The following FRMD6 variants were observed in gnomAD, a reference collection of about 807,000 sequenced individuals.
The protein encoded by FRMD6 is FERM domain-containing protein 6.
A neutral mutation model predicts 73.2 loss-of-function variants in FRMD6; 37 were observed. The observed-to-expected ratio is 0.51, with a 90% confidence interval of 0.39 to 0.66. The LOEUF (loss-of-function observed/expected upper bound fraction) is 0.66. FRMD6 is among the 30% of genes least tolerant of loss of function. The pLI, the probability that FRMD6 is intolerant of heterozygous loss-of-function variation, is 0.00. For synonymous variants in FRMD6, 273 were observed against 282.2 expected (o/e 0.97, Z 0.33); for missense variants, 714 against 780.5 (o/e 0.91, Z 1.02).
the FRMD6 span, among the ~76,000 whole-genome samples, chr14:51,414,205 G>A: frequency 7.2e-4 from 109 of 152,296 alleles, no homozygotes; most frequent in Admixed American, 2.6e-3. Flanking sequence ...TGCTTTTGGT[G>A]TTTTAGACAT....
At chr14:51,615,054 G>A (rs17124292) in intron 2 of FRMD6, among the ~76,000 whole-genome samples, 1 of 152,140 alleles carries the variant, frequency 6.6e-6, no homozygotes, top group African/African-American at 2.4e-5. Context: ...GTATGACTGA[G>A]GAGTAACCTG....
At chr14:51,643,544 C>T (rs901461009) in intron 2 of FRMD6, 1 of 151,920 alleles carries the variant, frequency 6.6e-6, no homozygotes, top group African/African-American at 2.4e-5. Context: ...ATTAGAAGGT[C>T]AAAGGGATTG....
chr14:51,679,667 G>A (rs1365682407), intron 1 of FRMD6, among the ~76,000 whole-genome samples: 1 of 149,818 alleles, frequency 6.7e-6, no homozygotes, highest in Non-Finnish European at 1.5e-5. Context: ...TTTCCCTTGA[G>A]ATATTATTGT....
At chr14:51,608,428 A>G (rs1890351810) in intron 2 of FRMD6, among the ~76,000 whole-genome samples, 1 of 152,204 alleles carries the variant, frequency 6.6e-6, no homozygotes, top group African/African-American at 2.4e-5. Flanking sequence ...GGTTTTGTGA[A>G]GCTTAAGTAA....
the FRMD6 span, among the ~76,000 whole-genome samples, chr14:51,462,934 C>T: frequency 6.6e-6 from 1 of 152,178 alleles, no homozygotes; most frequent in East Asian, 1.9e-4. Flanking sequence ...GTAACTGAAT[C>T]ACTTGGTGGC....
chr14:51,639,540 G>C (rs907157257), intron 2 of FRMD6, among the ~76,000 whole-genome samples: 2 of 152,166 alleles, frequency 1.3e-5, no homozygotes, highest in African/African-American at 4.8e-5. Context: ...TAGGAATTAT[G>C]ATGGTACCTA....
At chr14:51,721,712 A>AAGGGAGGG (rs1566598206) in intron 11 of FRMD6, among the ~76,000 whole-genome samples, 139 of 111,488 alleles carry the variant, frequency 1.2e-3, no homozygotes, top group African/African-American at 4.2e-3. Flanking sequence ...GGAAGGAAGG[A>AAGGGAGGG]AGGAAGGGAG....
At chr14:51,662,201 TG>T (rs748970285) in intron 1 of FRMD6, among the ~76,000 whole-genome samples, 8 of 152,226 alleles carry the variant, frequency 5.3e-5, no homozygotes, top group Non-Finnish European at 1.0e-4. Context: ...TGTCTTAGAT[TG>T]TTTTTTGATA....
intron 1 of FRMD6, among the ~76,000 whole-genome samples, chr14:51,673,397 G>C (rs1221259608): frequency 6.6e-6 from 1 of 151,984 alleles, no homozygotes; most frequent in Non-Finnish European, 1.5e-5. Flanking sequence ...CCAAATTCTA[G>C]CTGCCTCTGC....
chr14:51,549,581 C>CTT (rs1226471069), intron 1 of FRMD6, among the ~76,000 whole-genome samples: 1 of 118,794 alleles, frequency 8.4e-6, no homozygotes, highest in Non-Finnish European at 1.7e-5. Flanking sequence ...GGAGTATAAA[C>CTT]TTTTTTTTTC....
At position 51,586,103 on chromosome 14, in the gene FRMD6, C is replaced by T. The variant is rs996146105; in HGVS notation, c.-147+15693C>T. Among the ~76,000 whole-genome samples, 5 of 151,322 alleles carry T rather than the reference C, an allele frequency of 3.3e-5. No individual in the cohort carries two copies. The South Asian group carries it at 1.0e-3, about 32-fold the overall frequency. On this transcript the variant is annotated intron_variant, in intron 2 of 14. Transcript: ENST00000356218. ...CTTTCCTTTTGGGTATACACCCAGT[C>T]ATGGGATTGCTGGTTTAAACGATAG... is the stretch of plus-strand genomic sequence containing the variant.
chr14:51,598,860 G>A (rs764248146), intron 2 of FRMD6, among the ~76,000 whole-genome samples: 1 of 152,112 alleles, frequency 6.6e-6, no homozygotes, highest in Non-Finnish European at 1.5e-5. Flanking sequence ...GAACATACAA[G>A]TGCATGTGTC....
chr14:51,629,416 G>A (rs1279851164), intron 2 of FRMD6, among the ~76,000 whole-genome samples: 2 of 152,116 alleles, frequency 1.3e-5, no homozygotes, highest in African/African-American at 4.8e-5. Flanking sequence ...AATATTGTAG[G>A]TCTAACTTTT....
chr14:51,528,024 C>T (rs1397235425), intron 1 of FRMD6, among the ~76,000 whole-genome samples: 1 of 152,136 alleles, frequency 6.6e-6, no homozygotes, highest in African/African-American at 2.4e-5. Context: ...TGCCTGTGGT[C>T]CCAGCTACTC....
At chr14:51,694,150 G>GTT (rs1895788833) in intron 2 of FRMD6, among the ~76,000 whole-genome samples, 1 of 152,164 alleles carries the variant, frequency 6.6e-6, no homozygotes, top group Non-Finnish European at 1.5e-5. Context: ...TTCCCTGTGA[G>GTT]TTGCATTAAT....
intron 1 of FRMD6, among the ~76,000 whole-genome samples, chr14:51,685,624 T>C (rs1370027318): frequency 6.6e-6 from 1 of 152,244 alleles, no homozygotes; most frequent in Non-Finnish European, 1.5e-5. Flanking sequence ...TGATCTTAGC[T>C]ACAGTATTCA....
intron 1 of FRMD6, among the ~76,000 whole-genome samples, chr14:51,541,384 G>A (rs1252060407): frequency 6.6e-6 from 1 of 152,010 alleles, no homozygotes; most frequent in Non-Finnish European, 1.5e-5. Context: ...CTGGGAAAAG[G>A]GCAATGAATA....
intron 1 of FRMD6, among the ~76,000 whole-genome samples, chr14:51,527,223 AG>A (rs1209977444): frequency 4.6e-5 from 7 of 152,276 alleles, no homozygotes; most frequent in Admixed American, 4.6e-4. Flanking sequence ...TCATTGGCAA[AG>A]GCCATGCATT....
At chr14:51,629,502 G>A (rs1292486966) in intron 2 of FRMD6, among the ~76,000 whole-genome samples, 10 of 152,128 alleles carry the variant, frequency 6.6e-5, no homozygotes, top group Admixed American at 6.5e-4. Flanking sequence ...GGTTCCAGTT[G>A]TTCCACATCC....
Sources: gnomAD v4.1 joint callset for allele counts (sites outside exome capture counted in the v4.1 genomes callset) on GRCh38, gnomAD v4.1.1 for gene constraint, MANE v1.5 for transcripts, NCBI Gene and HGNC (gene_info 2026-07-23, HGNC 2026-07-21) for gene names.